Variants in ECSCR observed in about 807,000 individuals in gnomAD.
ECSCR encodes endothelial cell-specific chemotaxis regulator.
ECSCR carries 12 observed loss-of-function variants against 16.7 expected under a neutral mutation model. The observed-to-expected ratio is 0.72, with a 90% CI of 0.46 to 1.17. The LOEUF (loss-of-function observed/expected upper bound fraction) is 1.17. Ranked by LOEUF, ECSCR falls within the 50% of genes most tolerant of loss-of-function variation. The pLI, the probability that ECSCR is intolerant of heterozygous loss-of-function variation, is 0.00. For synonymous variants in ECSCR, 44 were observed against 42.2 expected, an observed-to-expected ratio of 1.04 and a Z score of -0.17; for missense variants, 122 against 116.1, an observed-to-expected ratio of 1.05 and a Z score of -0.23.
intron 1 of ECSCR, among the ~76,000 whole-genome samples, chr5:139,458,530 A>AAAAG (rs1222181552): frequency 2.9e-5 from 4 of 137,730 alleles, no homozygotes; most frequent in Non-Finnish European, 4.7e-5. Context: ...AAAAAAAAAA[A>AAAAG]AAAGAAAGAA....
chr5:139,458,176 G>A lies in ECSCR; in HGVS notation c.69C>T (p.Asn23=). The A allele has an allele frequency of 6.5e-7, 1 of 1,549,808 alleles. No individual in the cohort carries two copies. Among genetic ancestry groups the A allele is most frequent in the South Asian group, 1.2e-5 (1 of 83,974 alleles). ...AGGTCTGGGTCATTGTGGGCTGGGA[G>A]TTGTGGCCTGCAAGAGAAAGCAAAA... ...ILGFLLFRGH[N]SQPTMTQTSS... is the part of the protein sequence containing the mutation. The change falls in exon 2 of 10, where the codon AAC becomes AAT. Residue 23 remains asparagine (N), a synonymous_variant. Transcript: ENST00000618155.
intron 4 of ECSCR, 107 bp downstream of exon 4, chr5:139,457,438 T>C: frequency 2.6e-6 from 2 of 765,458 alleles, no homozygotes; most frequent in Admixed American, 3.4e-5. Flanking sequence ...TCTATTTCCT[T>C]GTCTGTTCCC....
chr5:139,459,823 T>G (rs1343320511), intron 1 of ECSCR, among the ~76,000 whole-genome samples: 1 of 152,246 alleles, frequency 6.6e-6, no homozygotes, highest in Non-Finnish European at 1.5e-5. Flanking sequence ...GGCAACCTGC[T>G]GCTCTGCTTA....
intron 5 of ECSCR, among the ~76,000 whole-genome samples, chr5:139,456,099 G>T (rs1176631505): frequency 2.6e-5 from 4 of 152,032 alleles, no homozygotes; most frequent in African/African-American, 9.7e-5. Flanking sequence ...TCCAGCATAG[G>T]CAACAGAGCG....
intron 1 of ECSCR, among the ~76,000 whole-genome samples, chr5:139,458,495 C>A: frequency 1.8e-5 from 1 of 55,462 alleles, no homozygotes; most frequent in South Asian, 6.5e-4. Context: ...GAGACCCTAT[C>A]TCAACAAAAA....
chr5:139,457,399 C>T (rs1751181151), intron 4 of ECSCR, 146 bp downstream of exon 4: 1 of 691,844 alleles, frequency 1.4e-6, no homozygotes, highest in Non-Finnish European at 2.7e-6. Context: ...CAGCCCTTCT[C>T]ACCCTGCATG....
intron 6 of ECSCR, 118 bp from the exon 7 acceptor site, chr5:139,455,041 A>T: frequency 2.5e-6 from 1 of 396,470 alleles, no homozygotes; most frequent in Non-Finnish European, 4.4e-6. Context: ...GAGCAAAGTG[A>T]GTTCCACTTC....
At chr5:139,455,266 A>C (rs1346690046) in intron 6 of ECSCR, 57 bp downstream of exon 6, 2 of 398,228 alleles carry the variant, frequency 5.0e-6, no homozygotes, top group African/African-American at 4.1e-5. Context: ...CCAGAGTCCA[A>C]GTTAATTCCA....
chr5:139,462,308 G>A (rs1021004072), intron 1 of ECSCR, among the ~76,000 whole-genome samples: 3 of 152,162 alleles, frequency 2.0e-5, no homozygotes, highest in African/African-American at 7.2e-5. Context: ...ATCCTAGAAG[G>A]AGCTTTGGGC....
At chr5:139,454,496 A>ATGGTGTG (rs1475599049) in intron 8 of ECSCR, 106 bp downstream of exon 8, 2 of 368,606 alleles carry the variant, frequency 5.4e-6, no homozygotes, top group African/African-American at 4.8e-5. Context: ...GTGAAGGTGT[A>ATGGTGTG]TGGTGTGTGG....
At chr5:139,452,493 GT>G (rs2152088576) in intron 8 of ECSCR, among the ~76,000 whole-genome samples, 6 of 149,322 alleles carry the variant, frequency 4.0e-5, no homozygotes, top group South Asian at 4.4e-4. Context: ...AGTGTGTGGT[GT>G]GTTTGTGATG....
intron 5 of ECSCR, among the ~76,000 whole-genome samples, chr5:139,455,815 A>AC (rs1751145393): frequency 1.1e-4 from 3 of 28,370 alleles, no homozygotes; most frequent in Non-Finnish European, 1.5e-4. Context: ...CATCTCTCCT[A>AC]AAAAAAAAAA....
chr5:139,462,433 A>G (rs1751327257), intron 1 of ECSCR, 177 bp downstream of exon 1: 1 of 185,250 alleles, frequency 5.4e-6, no homozygotes, highest in South Asian at 1.8e-4. Context: ...GCTCCATTTT[A>G]CCCCTGCCTG....
At chr5:139,460,604 G>A (rs552267292) in intron 1 of ECSCR, among the ~76,000 whole-genome samples, 22 of 152,132 alleles carry the variant, frequency 1.4e-4, no homozygotes, top group African/African-American at 4.8e-4. Context: ...TTTGCCTCTT[G>A]CCCCTCCCAC....
intron 1 of ECSCR, among the ~76,000 whole-genome samples, chr5:139,459,485 A>T (rs2152090036): frequency 6.6e-6 from 1 of 152,258 alleles, no homozygotes; most frequent in East Asian, 1.9e-4. Context: ...TTGTATGTAC[A>T]CGTGTGTCTG....
chr5:139,456,370 G>C (rs1199464700), intron 5 of ECSCR, 104 bp downstream of exon 5: 2 of 395,154 alleles, frequency 5.1e-6, no homozygotes, highest in Non-Finnish European at 8.9e-6. Flanking sequence ...TCCCAAATAA[G>C]TCTGGGAGAA....
intron 8 of ECSCR, among the ~76,000 whole-genome samples, chr5:139,449,907 T>C (rs967038501): frequency 1.3e-4 from 19 of 150,238 alleles, no homozygotes; most frequent in East Asian, 7.9e-4. Flanking sequence ...TTTTTTTTTT[T>C]CCCCTTGAAA....
chr5:139,452,594 A>G (rs1471269742), intron 8 of ECSCR, among the ~76,000 whole-genome samples: 30 of 103,718 alleles, frequency 2.9e-4, no homozygotes, highest in African/African-American at 9.5e-4. Flanking sequence ...GGTGTGGGGC[A>G]TGTGTATAGT....
At chr5:139,461,995 G>A (rs1751316702) in intron 1 of ECSCR, among the ~76,000 whole-genome samples, 1 of 152,198 alleles carries the variant, frequency 6.6e-6, no homozygotes, top group African/African-American at 2.4e-5. Flanking sequence ...GCCTGTCAGA[G>A]AGGTGCCATT....
Sources: allele counts gnomAD v4.1 joint callset (sites outside exome capture counted in the v4.1 genomes callset), GRCh38; gene constraint gnomAD v4.1.1; transcripts MANE v1.5; gene names NCBI Gene and HGNC (gene_info 2026-07-23, HGNC 2026-07-21).